LRRC4C: variants seen among roughly 807,000 people sequenced by gnomAD.
The protein encoded by LRRC4C is leucine rich repeat containing 4C, also known as leucine-rich repeat-containing protein 4C.
In LRRC4C, 5 loss-of-function variants were observed where a neutral mutation model predicts 33.6. That is an observed-to-expected ratio of 0.15 (90% CI 0.08 to 0.31). The LOEUF is 0.31. Among genes scored for constraint, LRRC4C ranks in the 10% least tolerant of loss-of-function variants. The pLI is 1.00. For missense variants in LRRC4C, 560 were observed against 796.7 expected, an observed-to-expected ratio of 0.70 and a Z score of 3.58; for synonymous variants, 329 against 302.0, an observed-to-expected ratio of 1.09 and a Z score of -0.93.
chr11:40,151,284 A>AT lies in LRRC4C; in HGVS notation c.-95-10432dup, dbSNP rs562561600. On this transcript the variant is annotated intron_variant, in intron 5 of 6. Coordinates refer to ENST00000528697, the MANE Select transcript of LRRC4C (RefSeq NM_001258419.2). ...GACAACAGACTCTGAAATGTCAGGGATTTTTTCCATTTTATTTAGATCGAG... is the reference window on the plus strand; with the variant it reads ...GACAACAGACTCTGAAATGTCAGGGATTTTTTTCCATTTTATTTAGATCGAG... Among the ~76,000 whole-genome samples the AT allele has an allele frequency of 4.6e-3, 700 of 152,222 alleles. 6 individuals are homozygous for AT. Among genetic ancestry groups the AT allele is most frequent in the African/African-American group, 0.016 (655 of 41,516 alleles).
intron 2 of LRRC4C, among the ~76,000 whole-genome samples, chr11:40,808,824 A>T (rs964085223): frequency 3.9e-5 from 6 of 152,200 alleles, no homozygotes; most frequent in African/African-American, 1.4e-4. Context: ...GGATTGATGA[A>T]AAATAGTGTT....
chr11:40,126,422 C>CT (rs1856230186), intron 6 of LRRC4C, among the ~76,000 whole-genome samples: 1 of 152,120 alleles, frequency 6.6e-6, no homozygotes, highest in Non-Finnish European at 1.5e-5. Flanking sequence ...AACAATGTGG[C>CT]TGCCACCAAC....
At chr11:40,658,902 GC>G (rs1334540072) in intron 2 of LRRC4C, among the ~76,000 whole-genome samples, 3 of 152,218 alleles carry the variant, frequency 2.0e-5, no homozygotes, top group African/African-American at 7.2e-5. Context: ...GATGCCGGCT[GC>G]AGCAGGGGAG....
intron 6 of LRRC4C, among the ~76,000 whole-genome samples, chr11:40,124,703 G>T (rs1460927184): frequency 1.3e-5 from 2 of 152,024 alleles, no homozygotes; most frequent in African/African-American, 2.4e-5. Flanking sequence ...TGGTTAGTGG[G>T]TATAAAAATA....
chr11:40,792,827 G>A (rs2135178369), intron 2 of LRRC4C, among the ~76,000 whole-genome samples: 1 of 152,212 alleles, frequency 6.6e-6, no homozygotes, highest in South Asian at 2.1e-4. Flanking sequence ...ATGAGTTCAT[G>A]TCCTTTGTAG....
chr11:40,821,576 A>G (rs1192220629), intron 2 of LRRC4C, among the ~76,000 whole-genome samples: 2 of 151,634 alleles, frequency 1.3e-5, no homozygotes, highest in Non-Finnish European at 3.0e-5. Context: ...GACATAATAC[A>G]GAGAGTTCTT....
At chr11:40,754,782 A>C (rs1948865657) in intron 2 of LRRC4C, among the ~76,000 whole-genome samples, 1 of 151,776 alleles carries the variant, frequency 6.6e-6, no homozygotes, top group African/African-American at 2.4e-5. Flanking sequence ...TTTTTTACTA[A>C]GTTAGCTAAT....
intron 5 of LRRC4C, among the ~76,000 whole-genome samples, chr11:40,180,948 T>C (rs926302079): frequency 1.3e-5 from 2 of 152,196 alleles, no homozygotes; most frequent in African/African-American, 4.8e-5. Flanking sequence ...TCTCTGATAA[T>C]CACCACAAAC....
Position 40,696,559 on chromosome 11 carries a change from C to T in LRRC4C, c.-406-48281G>A, listed in dbSNP as rs542044282. Among the ~76,000 whole-genome samples the T allele has an allele frequency of 7.4e-5, 11 of 148,756 alleles. No homozygotes were observed. The South Asian group carries it at 2.3e-3, about 31-fold the overall frequency. Reference sequence around the variant, plus strand: ...AGTGGTATTTTTCTTTTTATTGACTCCCATGGCTATACAGAAACATTACAG... The same window carrying T: ...AGTGGTATTTTTCTTTTTATTGACTTCCATGGCTATACAGAAACATTACAG... On this transcript the variant is annotated intron_variant, in intron 2 of 6. Transcript: ENST00000528697.
At chr11:40,687,229 C>CTGAGA (rs1331194625) in intron 2 of LRRC4C, among the ~76,000 whole-genome samples, 1 of 152,076 alleles carries the variant, frequency 6.6e-6, no homozygotes, top group African/African-American at 2.4e-5. Flanking sequence ...AATAATGGAG[C>CTGAGA]TGAGATTCAA....
intron 5 of LRRC4C, among the ~76,000 whole-genome samples, chr11:40,181,908 TCCCCTTCC>T (rs1297170763): frequency 1.3e-5 from 2 of 152,150 alleles, no homozygotes; most frequent in African/African-American, 4.8e-5. Context: ...CTATGGCCAA[TCCCCTTCC>T]CTCTCACATC....
intron 3 of LRRC4C, among the ~76,000 whole-genome samples, chr11:40,431,992 C>T (rs981277129): frequency 3.3e-5 from 5 of 152,166 alleles, no homozygotes; most frequent in African/African-American, 1.2e-4. Context: ...CTTTGATTCT[C>T]ATCTTACCCT....
chr11:41,021,156 TGAGAGAGA>T (rs71060991), intron 1 of LRRC4C, among the ~76,000 whole-genome samples: 8,444 of 126,778 alleles, frequency 0.067, 367 homozygotes, highest in East Asian at 0.17. Context: ...ATCGTGCATC[TGAGAGAGA>T]GAGAGAGAGA....
intron 1 of LRRC4C, among the ~76,000 whole-genome samples, chr11:41,409,170 A>C (rs568585721): frequency 9.5e-4 from 144 of 152,292 alleles, no homozygotes; most frequent in African/African-American, 3.3e-3. Context: ...AACCTCTTGG[A>C]ACTGCAGAAT....
intron 1 of LRRC4C, among the ~76,000 whole-genome samples, chr11:40,998,212 T>A (rs1048035295): frequency 1.3e-5 from 2 of 151,664 alleles, no homozygotes; most frequent in East Asian, 1.9e-4. Context: ...ATATATTTTT[T>A]AAAAATATTA....
intron 2 of LRRC4C, among the ~76,000 whole-genome samples, chr11:40,776,226 T>A (rs1949987166): frequency 6.6e-6 from 1 of 152,088 alleles, no homozygotes; most frequent in African/African-American, 2.4e-5. Flanking sequence ...AATATTGGCC[T>A]GTAATTTTCT....
At chr11:40,925,545 T>A (rs767409172) in intron 2 of LRRC4C, among the ~76,000 whole-genome samples, 17 of 152,188 alleles carry the variant, frequency 1.1e-4, no homozygotes, top group Non-Finnish European at 1.9e-4. Context: ...TTTAAGCTTC[T>A]CAGATATTGA....
chr11:40,882,025 TC>T (rs1382365296), intron 2 of LRRC4C, among the ~76,000 whole-genome samples: 1 of 152,088 alleles, frequency 6.6e-6, no homozygotes, highest in Non-Finnish European at 1.5e-5. Flanking sequence ...AATATTTTCA[TC>T]TTTGCAGACT....
At chr11:40,921,603 T>A (rs1957183297) in intron 2 of LRRC4C, among the ~76,000 whole-genome samples, 1 of 152,168 alleles carries the variant, frequency 6.6e-6, no homozygotes, top group Non-Finnish European at 1.5e-5. Context: ...ATCACCTTGT[T>A]TTTTTCAACA....
Sources: gnomAD v4.1 joint callset for allele counts (sites outside exome capture counted in the v4.1 genomes callset) on GRCh38, gnomAD v4.1.1 for gene constraint, MANE v1.5 for transcripts, NCBI Gene and HGNC (gene_info 2026-07-23, HGNC 2026-07-21) for gene names.